Variants in SND1 observed in about 807,000 individuals in gnomAD.
SND1 encodes staphylococcal nuclease and tudor domain containing 1, also known as staphylococcal nuclease domain-containing protein 1.
Under a neutral mutation model 121.7 loss-of-function variants are expected in SND1, and 38 were observed. That is an observed-to-expected ratio of 0.31 (90% CI 0.24 to 0.41). The LOEUF (loss-of-function observed/expected upper bound fraction) is 0.41, where lower values mean the gene tolerates loss of function less well. SND1 is among the 10% of genes least tolerant of loss of function. The pLI is 1.00. For synonymous variants in SND1, 401 were observed against 447.4 expected, an observed-to-expected ratio of 0.90 and a Z score of 1.31; for missense variants, 868 against 1,184.6, an observed-to-expected ratio of 0.73 and a Z score of 3.92.
At chr7:127,942,049 G>C (rs1487403464) in intron 15 of SND1, among the ~76,000 whole-genome samples, 1 of 152,002 alleles carries the variant, frequency 6.6e-6, no homozygotes, top group African/African-American at 2.4e-5. Flanking sequence ...CTTGTAAGCA[G>C]CCTGCCTTGA....
At chr7:127,801,586 T>C (rs1798128239) in intron 10 of SND1, among the ~76,000 whole-genome samples, 1 of 152,186 alleles carries the variant, frequency 6.6e-6, no homozygotes, top group South Asian at 2.1e-4. Context: ...GTCCATGGCA[T>C]GGACATTGCT....
chr7:127,954,329 G>A (rs1801544387), intron 15 of SND1, among the ~76,000 whole-genome samples: 1 of 152,160 alleles, frequency 6.6e-6, no homozygotes, highest in Admixed American at 6.5e-5. Context: ...CCCCCAAAAT[G>A]CAGTCTATAA....
At chr7:127,869,163 C>T (rs923954323) in intron 12 of SND1, among the ~76,000 whole-genome samples, 9 of 152,046 alleles carry the variant, frequency 5.9e-5, no homozygotes, top group African/African-American at 2.2e-4. Context: ...GGCAAGGTAT[C>T]AGGAGCAAGG....
intron 11 of SND1, 79 bp from the exon 12 acceptor site, chr7:127,844,245 A>G: frequency 9.5e-7 from 1 of 1,049,478 alleles, no homozygotes; most frequent in Non-Finnish European, 1.4e-6. Flanking sequence ...GATCTTTCAC[A>G]GTTGAGCAGG....
chr7:127,963,941 C>T (rs1801795439), intron 15 of SND1, among the ~76,000 whole-genome samples: 1 of 144,810 alleles, frequency 6.9e-6, no homozygotes, highest in South Asian at 2.3e-4. Flanking sequence ...TTAATGATTG[C>T]CATTCTAACT....
chr7:127,726,270 A>G (rs982305118), intron 10 of SND1, among the ~76,000 whole-genome samples: 1 of 152,164 alleles, frequency 6.6e-6, no homozygotes, highest in African/African-American at 2.4e-5. Flanking sequence ...AGTTAAAAGG[A>G]GGGATGTGCA....
chr7:128,056,966 G>A (rs1793153651), intron 16 of SND1, among the ~76,000 whole-genome samples: 1 of 152,136 alleles, frequency 6.6e-6, no homozygotes, highest in Non-Finnish European at 1.5e-5. Flanking sequence ...GTTACAGAGA[G>A]GGAGAGGGTT....
intron 15 of SND1, among the ~76,000 whole-genome samples, chr7:127,932,476 G>C (rs529211778): frequency 1.3e-5 from 2 of 152,204 alleles, no homozygotes; most frequent in Non-Finnish European, 2.9e-5. Context: ...CAAAGATGCT[G>C]TGAACATTGT....
intron 10 of SND1, among the ~76,000 whole-genome samples, chr7:127,746,935 A>G (rs542752982): frequency 2.3e-4 from 35 of 152,140 alleles, no homozygotes; most frequent in Non-Finnish European, 4.9e-4. Context: ...TAATGTTTGT[A>G]TTCAGTATAA....
chr7:127,764,757 T>C (rs2116484192), intron 10 of SND1, among the ~76,000 whole-genome samples: 1 of 152,336 alleles, frequency 6.6e-6, no homozygotes, highest in East Asian at 1.9e-4. Context: ...TTTCCAGGAC[T>C]GGTTTGAAGG....
At chr7:127,794,262 C>G (rs936343472) in intron 10 of SND1, among the ~76,000 whole-genome samples, 8 of 152,124 alleles carry the variant, frequency 5.3e-5, no homozygotes, top group Non-Finnish European at 1.2e-4. Context: ...TGATTTAGAC[C>G]TTGGAGGGAC....
chr7:128,064,448 C>T (rs1258603946), intron 16 of SND1, among the ~76,000 whole-genome samples: 1 of 152,130 alleles, frequency 6.6e-6, no homozygotes, highest in African/African-American at 2.4e-5. Context: ...AATCCAAGAG[C>T]CATTTCTGAG....
At chr7:128,084,641 T>A (rs970083818) in intron 18 of SND1, 83 bp from the exon 19 acceptor site, 92 of 1,455,832 alleles carry the variant, frequency 6.3e-5, no homozygotes, top group Non-Finnish European at 8.1e-5. Context: ...TTGAGCTCCC[T>A]CCCCAACCAC....
intron 10 of SND1, among the ~76,000 whole-genome samples, chr7:127,765,903 A>T (rs1207541636): frequency 6.6e-6 from 1 of 152,220 alleles, no homozygotes; most frequent in African/African-American, 2.4e-5. Context: ...TCACATTTTA[A>T]TATTCCTTGG....
chr7:127,793,960 A>ATC (rs1797963228), intron 10 of SND1, among the ~76,000 whole-genome samples: 1 of 152,302 alleles, frequency 6.6e-6, no homozygotes, highest in African/African-American at 2.4e-5. Flanking sequence ...CTATATATAT[A>ATC]TAATGAAATT....
At chr7:127,775,569 T>G (rs936458594) in intron 10 of SND1, among the ~76,000 whole-genome samples, 31 of 152,146 alleles carry the variant, frequency 2.0e-4, no homozygotes, top group African/African-American at 7.5e-4. Context: ...GTACAACGTT[T>G]CGTTTCATAC....
At chr7:127,744,538 G>A (rs746416147) in intron 10 of SND1, among the ~76,000 whole-genome samples, 1 of 152,174 alleles carries the variant, frequency 6.6e-6, no homozygotes, top group East Asian at 1.9e-4. Flanking sequence ...GGCCTATTCT[G>A]TATAAGAGAC....
At chr7:127,997,606 C>T (rs1217358993) in intron 16 of SND1, 2 of 461,112 alleles carry the variant, frequency 4.3e-6, no homozygotes, top group Non-Finnish European at 9.0e-6. Flanking sequence ...TGTGTAGGTG[C>T]ATTTGTTTAA....
chr7:127,903,911 A>G (rs747156787), intron 13 of SND1, among the ~76,000 whole-genome samples: 1 of 152,212 alleles, frequency 6.6e-6, no homozygotes, highest in African/African-American at 2.4e-5. Flanking sequence ...CCTAATCTCT[A>G]GTTCTCTATC....
Sources: allele counts gnomAD v4.1 joint callset (sites outside exome capture counted in the v4.1 genomes callset), GRCh38; gene constraint gnomAD v4.1.1; transcripts MANE v1.5; gene names NCBI Gene and HGNC (gene_info 2026-07-23, HGNC 2026-07-21).